PPP3CA: variants seen among roughly 807,000 people sequenced by gnomAD.
The protein encoded by PPP3CA is CAM-PRP catalytic subunit.
PPP3CA carries 14 observed loss-of-function variants against 66.5 expected under a neutral mutation model. That is an observed-to-expected ratio of 0.21 (90% confidence interval 0.14 to 0.33). PPP3CA has a LOEUF of 0.33. Ranked by LOEUF, PPP3CA falls within the 10% of genes least tolerant of loss-of-function variation. The pLI is 1.00. For synonymous variants in PPP3CA, 232 were observed against 226.2 expected (o/e 1.03, Z -0.23); for missense variants, 317 against 639.5 (o/e 0.50, Z 5.44).
At chr4:101,115,849 G>A (rs1297607233) in intron 2 of PPP3CA, among the ~76,000 whole-genome samples, 2 of 151,934 alleles carry the variant, frequency 1.3e-5, no homozygotes, top group Non-Finnish European at 2.9e-5. Context: ...TGTTAACAAT[G>A]AGCAAAAATT....
At chr4:101,235,376 G>A (rs1414703879) in intron 1 of PPP3CA, among the ~76,000 whole-genome samples, 2 of 151,408 alleles carry the variant, frequency 1.3e-5, no homozygotes, top group Admixed American at 6.6e-5. Flanking sequence ...TCAAACTTCT[G>A]AAAGGGCTAC....
chr4:101,196,205 AAACC>A, intron 1 of PPP3CA, 89 bp from the exon 2 acceptor site: 2 of 1,159,140 alleles, frequency 1.7e-6, no homozygotes, highest in South Asian at 1.5e-5. Context: ...TCCTCATCAC[AAACC>A]AACTAATATA....
At chr4:101,294,001 T>G (rs1728114652) in intron 1 of PPP3CA, among the ~76,000 whole-genome samples, 1 of 152,184 alleles carries the variant, frequency 6.6e-6, no homozygotes, top group African/African-American at 2.4e-5. Context: ...ACCAATATTT[T>G]CACATTTAAA....
intron 2 of PPP3CA, among the ~76,000 whole-genome samples, chr4:101,141,290 A>G (rs975468419): frequency 3.3e-5 from 5 of 152,104 alleles, no homozygotes; most frequent in Non-Finnish European, 5.9e-5. Flanking sequence ...GAATTGCTTG[A>G]ACCCAGGAGG....
At chr4:101,275,604 A>T (rs1212330976) in intron 1 of PPP3CA, among the ~76,000 whole-genome samples, 1 of 152,242 alleles carries the variant, frequency 6.6e-6, no homozygotes, top group Non-Finnish European at 1.5e-5. Context: ...CATTTTTAAC[A>T]TTACTGAAGA....
At chr4:101,202,729 C>G (rs930112645) in intron 1 of PPP3CA, among the ~76,000 whole-genome samples, 6 of 152,114 alleles carry the variant, frequency 3.9e-5, no homozygotes, top group Non-Finnish European at 8.8e-5. Flanking sequence ...AAATATTAGA[C>G]TTGTAAACAG....
chr4:101,330,299 A>C (rs761075894), intron 1 of PPP3CA: 4 of 437,162 alleles, frequency 9.1e-6, no homozygotes, highest in Admixed American at 3.5e-5. Flanking sequence ...CCATGATAAA[A>C]TTTTAATGGA....
intron 1 of PPP3CA, among the ~76,000 whole-genome samples, chr4:101,198,838 G>A (rs1388662562): frequency 1.3e-5 from 2 of 152,090 alleles, no homozygotes; most frequent in Non-Finnish European, 1.5e-5. Flanking sequence ...AAGGTAACTG[G>A]CTAAGGTAAA....
intron 2 of PPP3CA, among the ~76,000 whole-genome samples, chr4:101,195,386 C>T (rs1724756266): frequency 6.6e-6 from 1 of 151,988 alleles, no homozygotes; most frequent in African/African-American, 2.4e-5. Flanking sequence ...CAGAATCACA[C>T]AGAGGGCTGG....
intron 10 of PPP3CA, among the ~76,000 whole-genome samples, chr4:101,046,338 AT>A (rs1476301653): frequency 1.3e-5 from 2 of 152,084 alleles, no homozygotes; most frequent in Non-Finnish European, 2.9e-5. Flanking sequence ...GCTTTTAAAA[AT>A]TGTTATTGTT....
intron 1 of PPP3CA, among the ~76,000 whole-genome samples, chr4:101,302,395 A>C (rs1255372091): frequency 6.6e-6 from 1 of 152,252 alleles, no homozygotes; most frequent in African/African-American, 2.4e-5. Flanking sequence ...ATAATTCAAA[A>C]AGCAAGGATA....
chr4:101,249,158 C>T (rs1295321799), intron 1 of PPP3CA, among the ~76,000 whole-genome samples: 1 of 99,272 alleles, frequency 1.0e-5, no homozygotes, highest in African/African-American at 4.6e-5. Context: ...CAGAGCGAGA[C>T]TCTGTCTCAA....
chr4:101,193,175 G>T (rs1011294699), intron 2 of PPP3CA, among the ~76,000 whole-genome samples: 3 of 152,074 alleles, frequency 2.0e-5, no homozygotes, highest in African/African-American at 4.8e-5. Context: ...CCCTTGGAGG[G>T]CAAAGACCAG....
At chr4:101,260,814 C>T (rs1164910985) in intron 1 of PPP3CA, among the ~76,000 whole-genome samples, 1 of 152,106 alleles carries the variant, frequency 6.6e-6, no homozygotes, top group Admixed American at 6.6e-5. Flanking sequence ...ATTAATTTAT[C>T]TTTCTAATTA....
At chr4:101,091,278 G>A (rs115191246) in intron 6 of PPP3CA, among the ~76,000 whole-genome samples, 134 of 152,092 alleles carry the variant, frequency 8.8e-4, no homozygotes, top group African/African-American at 3.0e-3. Context: ...TAACTTTGAC[G>A]TACTTTAACA....
At chr4:101,082,964 G>T (rs1729501339) in intron 7 of PPP3CA, among the ~76,000 whole-genome samples, 1 of 152,162 alleles carries the variant, frequency 6.6e-6, no homozygotes, top group Non-Finnish European at 1.5e-5. Context: ...ACTTGTTCAG[G>T]CTAAAGATGT....
At chr4:101,346,284 C>T (rs1729991461) in intron 1 of PPP3CA, among the ~76,000 whole-genome samples, 1 of 152,082 alleles carries the variant, frequency 6.6e-6, no homozygotes, top group African/African-American at 2.4e-5. Context: ...GCCACGGCCA[C>T]ATAAAAATGC....
intron 12 of PPP3CA, among the ~76,000 whole-genome samples, chr4:101,031,942 T>C (rs1209539464): frequency 6.6e-6 from 1 of 152,238 alleles, no homozygotes; most frequent in South Asian, 2.1e-4. Context: ...AAAGTTGTTT[T>C]TGACAACGGA....
At chr4:101,095,474 T>C (rs555026491) in intron 5 of PPP3CA, among the ~76,000 whole-genome samples, 52 of 152,358 alleles carry the variant, frequency 3.4e-4, no homozygotes, top group African/African-American at 1.1e-3. Flanking sequence ...TTTCTGGCCA[T>C]GTGCAGAGCT....
Sources: gnomAD v4.1 joint callset for allele counts (sites outside exome capture counted in the v4.1 genomes callset) on GRCh38, gnomAD v4.1.1 for gene constraint, MANE v1.5 for transcripts, NCBI Gene and HGNC (gene_info 2026-07-23, HGNC 2026-07-21) for gene names.